Variants in KSR2 observed in about 807,000 individuals in gnomAD.
KSR2 encodes the protein kinase suppressor of ras 2.
A neutral mutation model predicts 107.8 loss-of-function variants in KSR2; 25 were observed. The ratio of observed to expected loss-of-function variants is 0.23; its 90% CI spans 0.17 to 0.32. The LOEUF (loss-of-function observed/expected upper bound fraction) is 0.32. Among genes scored for constraint, KSR2 ranks in the 10% least tolerant of loss-of-function variants. The pLI is 1.00. For missense variants in KSR2, 887 were observed against 1,268.9 expected, an observed-to-expected ratio of 0.70 and a Z score of 4.57; for synonymous variants, 480 against 507.0, an observed-to-expected ratio of 0.95 and a Z score of 0.71.
At chr12:117,795,063 G>A (rs572603057) in intron 3 of KSR2, among the ~76,000 whole-genome samples, 1 of 152,306 alleles carries the variant, frequency 6.6e-6, no homozygotes, top group African/African-American at 2.4e-5. Flanking sequence ...CTAAGTTGGT[G>A]TCATGCTTCT....
At position 117,526,250 on chromosome 12, in the gene KSR2, G is replaced by A. The variant is rs569906626; in HGVS notation, c.1851+821C>T. Among the ~76,000 whole-genome samples, 20 of 152,338 alleles carry A rather than the reference G, an allele frequency of 1.3e-4. 1 individual carries two copies. Among genetic ancestry groups the A allele is most frequent in the Middle Eastern group, 6.8e-3 (2 of 294 alleles). On this transcript the variant is annotated intron_variant, in intron 13 of 19. Coordinates refer to ENST00000339824, the MANE Select transcript of KSR2 (RefSeq NM_173598.6). The stretch of plus-strand genomic sequence containing the variant: ...ACTACCACTAGAGTTAAATGCTCAA[G>A]GTGTAGGGACCCACCTTATCAGCAT...
At chr12:117,738,156 C>CGG (rs1156718439) in intron 4 of KSR2, among the ~76,000 whole-genome samples, 2 of 152,150 alleles carry the variant, frequency 1.3e-5, no homozygotes, top group African/African-American at 2.4e-5. Flanking sequence ...ATTTAAACTC[C>CGG]GGCTCCCACA....
chr12:117,921,373 C>T (rs1272556417), intron 1 of KSR2, among the ~76,000 whole-genome samples: 4 of 152,152 alleles, frequency 2.6e-5, no homozygotes, highest in Non-Finnish European at 4.4e-5. Flanking sequence ...ATAAAGCTGT[C>T]TTTGAAGCCA....
chr12:117,967,297 A>G (rs1896827367), intron 1 of KSR2, among the ~76,000 whole-genome samples: 1 of 152,112 alleles, frequency 6.6e-6, no homozygotes, highest in Non-Finnish European at 1.5e-5. Flanking sequence ...ACAAGAAGCC[A>G]AAGATAACTC....
rs547123138 is a variant in KSR2, at chr12:117,714,681, G to A, written c.986+46330C>T. 3.9e-5 allele frequency among the ~76,000 whole-genome samples: 6 copies of A among 152,220 alleles called. No individual in the cohort carries two copies. In the South Asian group the frequency reaches 8.3e-4, roughly 21 times the overall value. ...CAGTCCTCTGTAACAGCTGCCTCAC[G>A]ACTCACAAAGTCCCTGTTCTCAATG... On this transcript the variant is annotated intron_variant, in intron 4 of 19. Coordinates refer to ENST00000339824, the MANE Select transcript of KSR2 (RefSeq NM_173598.6).
At chr12:117,692,505 T>C (rs7962084) in intron 4 of KSR2, among the ~76,000 whole-genome samples, 81,416 of 104,088 alleles carry the variant, frequency 0.78, 31,515 homozygotes, top group Middle Eastern at 0.89. Flanking sequence ...TATATATATA[T>C]ACACACACAC....
intron 4 of KSR2, among the ~76,000 whole-genome samples, chr12:117,677,593 C>T (rs1341814760): frequency 1.3e-5 from 2 of 152,168 alleles, no homozygotes; most frequent in Non-Finnish European, 2.9e-5. Flanking sequence ...TAATACAGTA[C>T]CCTTGTCTCA....
At chr12:117,794,597 TCA>T (rs1181994453) in intron 3 of KSR2, among the ~76,000 whole-genome samples, 1 of 125,680 alleles carries the variant, frequency 8.0e-6, no homozygotes, top group African/African-American at 3.1e-5. Context: ...ACATGCACAC[TCA>T]CACCAACATG....
intron 4 of KSR2, among the ~76,000 whole-genome samples, chr12:117,710,394 G>A (rs968974218): frequency 6.6e-6 from 1 of 152,196 alleles, no homozygotes; most frequent in Non-Finnish European, 1.5e-5. Flanking sequence ...GCATTACAAA[G>A]CAAAGTGTGT....
chr12:117,563,175 C>T (rs1592996467), intron 7 of KSR2, among the ~76,000 whole-genome samples: 1 of 152,182 alleles, frequency 6.6e-6, no homozygotes, highest in Non-Finnish European at 1.5e-5. Context: ...AGACCACCTG[C>T]TTCAAAATTA....
At chr12:117,511,195 C>T (rs2137198432) in intron 14 of KSR2, among the ~76,000 whole-genome samples, 1 of 152,364 alleles carries the variant, frequency 6.6e-6, no homozygotes, top group African/African-American at 2.4e-5. Flanking sequence ...CTTTTGGTGA[C>T]CACTCGGCTT....
intron 10 of KSR2, among the ~76,000 whole-genome samples, chr12:117,535,964 AT>A (rs1385156447): frequency 1.3e-5 from 2 of 152,040 alleles, no homozygotes; most frequent in Non-Finnish European, 2.9e-5. Context: ...ATACTGAGCC[AT>A]GTCCACATGG....
chr12:117,926,439 C>T (rs60703208), intron 1 of KSR2, among the ~76,000 whole-genome samples: 17,873 of 152,248 alleles, frequency 0.12, 1,177 homozygotes, highest in East Asian at 0.2. Context: ...AATTAGGAAG[C>T]TGGAAGCTGC....
At chr12:117,581,091 C>T (rs1879636708) in intron 6 of KSR2, among the ~76,000 whole-genome samples, 1 of 152,220 alleles carries the variant, frequency 6.6e-6, no homozygotes. Context: ...TCACACACTT[C>T]TCACTTCTTC....
At chr12:117,920,077 T>C (rs1445540493) in intron 1 of KSR2, among the ~76,000 whole-genome samples, 1 of 152,164 alleles carries the variant, frequency 6.6e-6, no homozygotes, top group Non-Finnish European at 1.5e-5. Context: ...AGGCTGGGCA[T>C]GGTGGCTCAC....
chr12:117,956,711 G>A (rs1896529522), intron 1 of KSR2, among the ~76,000 whole-genome samples: 1 of 151,904 alleles, frequency 6.6e-6, no homozygotes, highest in African/African-American at 2.4e-5. Flanking sequence ...AGGATCACTT[G>A]AGCTCAGGGG....
intron 3 of KSR2, among the ~76,000 whole-genome samples, chr12:117,801,317 C>A (rs376409738): frequency 3.9e-4 from 58 of 147,188 alleles, no homozygotes; most frequent in Non-Finnish European, 1.0e-4. Context: ...TTAGTAGAGA[C>A]GAGGTTTTGT....
At chr12:117,505,617 G>A (rs549934851) in intron 14 of KSR2, among the ~76,000 whole-genome samples, 77 of 152,292 alleles carry the variant, frequency 5.1e-4, no homozygotes, top group African/African-American at 1.7e-3. Flanking sequence ...CATAGCACCT[G>A]ACAAGGCTCA....
At chr12:117,467,960 T>C (rs1871243828) in intron 19 of KSR2, 6 of 339,182 alleles carry the variant, frequency 1.8e-5, no homozygotes, top group Non-Finnish European at 2.8e-5. Context: ...CAATAAAATA[T>C]AGAAAGAGAA....
Sources: allele counts gnomAD v4.1 joint callset (sites outside exome capture counted in the v4.1 genomes callset), GRCh38; gene constraint gnomAD v4.1.1; transcripts MANE v1.5; gene names NCBI Gene and HGNC (gene_info 2026-07-23, HGNC 2026-07-21).